CLMN: variants seen among roughly 807,000 people sequenced by gnomAD.
CLMN encodes the protein calmin.
A neutral mutation model predicts 92.7 loss-of-function variants in CLMN; 57 were observed. The ratio of observed to expected loss-of-function variants is 0.61; its 90% CI spans 0.50 to 0.77. The LOEUF is 0.77. Ranked by LOEUF, CLMN falls within the 30% of genes least tolerant of loss-of-function variation. The pLI, the probability that CLMN is intolerant of heterozygous loss-of-function variation, is 0.00. For synonymous variants in CLMN, 466 were observed against 470.6 expected (o/e 0.99, Z 0.13); for missense variants, 1,158 against 1,237.5 (o/e 0.94, Z 0.96).
intron 1 of CLMN, among the ~76,000 whole-genome samples, chr14:95,251,209 T>C (rs1898772683): frequency 6.6e-6 from 1 of 152,182 alleles, no homozygotes; most frequent in Non-Finnish European, 1.5e-5. Flanking sequence ...TAGACAATGA[T>C]GATAAAACCA....
rs1313331027 is a variant in CLMN, at chr14:95,203,122, A to C, written c.2227T>G (p.Tyr743Asp). The C allele has an allele frequency of 1.9e-5, 30 of 1,613,114 alleles. No homozygotes were observed. The highest frequency in any genetic ancestry group is 2.5e-5 in the Non-Finnish European group (30 of 1,180,028). The change falls in exon 9 of 13, where the codon TAT becomes GAT. Residue 743 changes from tyrosine (Y) to aspartate (D), a missense_variant. By Grantham distance (160) the Tyr-to-Asp change is radical (BLOSUM62 -3). Coordinates refer to ENST00000298912, the MANE Select transcript of CLMN (RefSeq NM_024734.4). ...TTTAGATCCTCCGGGTCTTCTACAT[A>C]AGCCTCCAAAACTGCAGCCAGGGGA... is the stretch of plus-strand genomic sequence containing the variant. ...EVPLAAVLEA[Y>D]VEDPEDLKNE...
rs542448954 is a variant in CLMN at position 95,259,580 on chromosome 14, T to C, written c.83-29447A>G. Among the ~76,000 whole-genome samples, 126 of 152,240 alleles carry C rather than the reference T, an allele frequency of 8.3e-4. No homozygotes were observed. The highest frequency in any genetic ancestry group is 2.8e-3 in the African/African-American group (115 of 41,546). ...AGGCCAGGGAAACGAGATCTTGATC[T>C]GTTTGGGAATCCTGTTTTTGTGCCT... On this transcript the variant is annotated intron_variant, in intron 1 of 12. Transcript: ENST00000298912. The surrounding 1 kb of genome is among the most constrained non-coding windows in gnomAD (Gnocchi z 4.3).
At chr14:95,215,562 A>G in intron 5 of CLMN, 79 bp downstream of exon 5, 1 of 1,242,152 alleles carries the variant, frequency 8.1e-7, no homozygotes, top group South Asian at 1.2e-5. Flanking sequence ...GCCTCCCTTA[A>G]TCTGGCCCCA....
At chr14:95,216,877 C>T (rs1409284688) in intron 4 of CLMN, among the ~76,000 whole-genome samples, 4 of 152,220 alleles carry the variant, frequency 2.6e-5, no homozygotes, top group Non-Finnish European at 5.9e-5. Flanking sequence ...CCTATGTCTA[C>T]AGAATCAAGA....
At chr14:95,205,612 C>T (rs1449851337) in intron 8 of CLMN, among the ~76,000 whole-genome samples, 1 of 152,056 alleles carries the variant, frequency 6.6e-6, no homozygotes, top group Non-Finnish European at 1.5e-5. Context: ...AGGATTAAAA[C>T]ATATGCAGAA....
intron 1 of CLMN, among the ~76,000 whole-genome samples, chr14:95,315,557 G>C (rs748878740): frequency 6.6e-6 from 1 of 152,248 alleles, no homozygotes; most frequent in Non-Finnish European, 1.5e-5. Context: ...GGGCCACATG[G>C]GCCGGGGCTG....
intron 1 of CLMN, among the ~76,000 whole-genome samples, chr14:95,304,347 GAA>G (rs113509058): frequency 3.0e-5 from 4 of 133,510 alleles, no homozygotes; most frequent in South Asian, 2.3e-4. Flanking sequence ...TGTCTTAAAA[GAA>G]AAAAAAAAAA....
chr14:95,239,377 G>A (rs1267200401), intron 1 of CLMN, among the ~76,000 whole-genome samples: 2 of 152,128 alleles, frequency 1.3e-5, no homozygotes, highest in African/African-American at 2.4e-5. Flanking sequence ...GAGAGGGAGG[G>A]AAGGAAGGAA....
intron 1 of CLMN, among the ~76,000 whole-genome samples, chr14:95,269,224 T>C (rs1246219424): frequency 6.6e-6 from 1 of 152,222 alleles, no homozygotes; most frequent in Non-Finnish European, 1.5e-5. Flanking sequence ...GTTTTAATTA[T>C]TGTCAGACAT....
chr14:95,319,674 C>G (rs752517192), intron 1 of CLMN, 37 bp downstream of exon 1: 1 of 1,548,212 alleles, frequency 6.5e-7, no homozygotes, highest in Non-Finnish European at 8.7e-7. Flanking sequence ...GCCCCCCGAG[C>G]GCCCAGCCAT....
intron 1 of CLMN, among the ~76,000 whole-genome samples, chr14:95,319,078 G>A (rs1901920670): frequency 1.3e-5 from 2 of 152,142 alleles, no homozygotes; most frequent in Admixed American, 1.3e-4. Flanking sequence ...GGAGTTGGGG[G>A]CCAGCGTGGG....
chr14:95,279,777 C>T (rs1900074288), intron 1 of CLMN, among the ~76,000 whole-genome samples: 3 of 152,110 alleles, frequency 2.0e-5, no homozygotes, highest in African/African-American at 7.2e-5. Context: ...AGCGAGACTC[C>T]GTCTCAAAAA....
chr14:95,239,350 A>T (rs1443509750), intron 1 of CLMN, among the ~76,000 whole-genome samples: 1 of 152,138 alleles, frequency 6.6e-6, no homozygotes, highest in African/African-American at 2.4e-5. Flanking sequence ...TGGGTAAGAA[A>T]ATGAAGAAGG....
chr14:95,258,832 G>A (rs546166675), intron 1 of CLMN, among the ~76,000 whole-genome samples: 1 of 149,556 alleles, frequency 6.7e-6, no homozygotes, highest in South Asian at 2.1e-4. Context: ...GTTTGTGTGT[G>A]GTATGTGTAT....
intron 1 of CLMN, among the ~76,000 whole-genome samples, chr14:95,238,466 C>T (rs1396832159): frequency 6.6e-6 from 1 of 152,190 alleles, no homozygotes; most frequent in Non-Finnish European, 1.5e-5. Flanking sequence ...CATTTAATTT[C>T]CTTTGTTTTT....
chr14:95,224,627 G>A (rs1307000593), intron 2 of CLMN, among the ~76,000 whole-genome samples: 1 of 152,208 alleles, frequency 6.6e-6, no homozygotes, highest in Non-Finnish European at 1.5e-5. Context: ...AAGAGGATGA[G>A]TGATAGTCGC....
chr14:95,234,052 G>A (rs879000947), intron 1 of CLMN, among the ~76,000 whole-genome samples: 1 of 152,202 alleles, frequency 6.6e-6, no homozygotes, highest in South Asian at 2.1e-4. Context: ...GAGAGACTGC[G>A]AGAACTCAAG....
chr14:95,232,143 G>A (rs997676844), intron 1 of CLMN, among the ~76,000 whole-genome samples: 1 of 152,188 alleles, frequency 6.6e-6, no homozygotes, highest in South Asian at 2.1e-4. Flanking sequence ...TTGGGCCCTC[G>A]AGCACCCGGA....
At chr14:95,258,950 GTA>G (rs1183786614) in intron 1 of CLMN, among the ~76,000 whole-genome samples, 1 of 150,660 alleles carries the variant, frequency 6.6e-6, no homozygotes, top group Non-Finnish European at 1.5e-5. Flanking sequence ...AGTGAATGGA[GTA>G]TGTGTTTGTG....
Sources: gnomAD v4.1 joint callset for allele counts (sites outside exome capture counted in the v4.1 genomes callset) on GRCh38, gnomAD v4.1.1 for gene constraint, Gnocchi (gnomAD v3.1) non-coding constraint, MANE v1.5 for transcripts, NCBI Gene and HGNC (gene_info 2026-07-23, HGNC 2026-07-21) for gene names.